PALM2AKAP2: variants seen among roughly 807,000 people sequenced by gnomAD.
PALM2AKAP2 encodes PALM2-AKAP2 fusion protein.
PALM2AKAP2 carries 37 observed loss-of-function variants against 71.5 expected under a neutral mutation model. The observed-to-expected ratio is 0.52, with a 90% CI of 0.40 to 0.68. The LOEUF is 0.68. Ranked by LOEUF, PALM2AKAP2 falls within the 30% of genes least tolerant of loss-of-function variation. PALM2AKAP2 has a pLI of 0.00. For synonymous variants in PALM2AKAP2, 468 were observed against 478.8 expected, an observed-to-expected ratio of 0.98 and a Z score of 0.29; for missense variants, 1,224 against 1,191.8, an observed-to-expected ratio of 1.03 and a Z score of -0.40.
At chr9:110,090,386 T>G (rs1289856614) in intron 1 of PALM2AKAP2, 1 of 456,624 alleles carries the variant, frequency 2.2e-6, no homozygotes, top group Non-Finnish European at 4.4e-6. Context: ...AGGTCATGAT[T>G]GCCACCTGGA....
chr9:110,109,797 T>C (rs942137741), intron 1 of PALM2AKAP2, among the ~76,000 whole-genome samples: 2 of 152,054 alleles, frequency 1.3e-5, no homozygotes, highest in African/African-American at 4.8e-5. Flanking sequence ...GGCCCCTTAA[T>C]TCCAGGTTTA....
At chr9:110,061,325 T>C (rs1253487332) in intron 1 of PALM2AKAP2, among the ~76,000 whole-genome samples, 2 of 152,212 alleles carry the variant, frequency 1.3e-5, no homozygotes, top group Admixed American at 6.5e-5. Flanking sequence ...ATGGGTACAA[T>C]TTAATAAAAC....
intron 1 of PALM2AKAP2, among the ~76,000 whole-genome samples, chr9:109,739,481 T>C (rs1439257845): frequency 6.6e-6 from 1 of 152,214 alleles, no homozygotes; most frequent in Non-Finnish European, 1.5e-5. Flanking sequence ...AGATCACTGA[T>C]TCAAAACATT....
chr9:109,806,865 A>G (rs976100056), intron 1 of PALM2AKAP2, among the ~76,000 whole-genome samples: 1 of 152,222 alleles, frequency 6.6e-6, no homozygotes, highest in African/African-American at 2.4e-5. Flanking sequence ...TTTACTTGAC[A>G]TGAGATCAGA....
At chr9:110,050,530 A>G (rs2132501009) in intron 1 of PALM2AKAP2, among the ~76,000 whole-genome samples, 1 of 152,314 alleles carries the variant, frequency 6.6e-6, no homozygotes, top group Non-Finnish European at 1.5e-5. Flanking sequence ...AAACATAAAG[A>G]CTTGGCCTAA....
intron 1 of PALM2AKAP2, among the ~76,000 whole-genome samples, chr9:109,757,063 C>T (rs1399015024): frequency 6.6e-6 from 1 of 152,008 alleles, no homozygotes; most frequent in Non-Finnish European, 1.5e-5. Context: ...ATAACGTGTT[C>T]TATCTATCTG....
chr9:109,921,105 C>T (rs563174921), intron 3 of PALM2AKAP2, among the ~76,000 whole-genome samples: 5 of 152,310 alleles, frequency 3.3e-5, no homozygotes, highest in East Asian at 3.8e-4. Flanking sequence ...ATTCTCTTTG[C>T]GTCTCGCCCA....
intron 6 of PALM2AKAP2, among the ~76,000 whole-genome samples, chr9:109,998,542 G>T (rs1448466499): frequency 6.8e-6 from 1 of 147,082 alleles, no homozygotes; most frequent in Non-Finnish European, 1.5e-5. Context: ...CATAAGCCAG[G>T]CTACATAGGT....
At chr9:110,166,572 C>T (rs973369487) in intron 3 of PALM2AKAP2, among the ~76,000 whole-genome samples, 2 of 152,134 alleles carry the variant, frequency 1.3e-5, no homozygotes, top group African/African-American at 4.8e-5. Flanking sequence ...ATTTGTTATT[C>T]GTAGATATCT....
chr9:109,757,568 T>C (rs369988053), intron 1 of PALM2AKAP2, among the ~76,000 whole-genome samples: 3 of 152,222 alleles, frequency 2.0e-5, no homozygotes, highest in African/African-American at 7.2e-5. Context: ...GTCTATCACA[T>C]AGCAAGTTAT....
At chr9:109,699,728 T>C (rs1482298292) in intron 1 of PALM2AKAP2, among the ~76,000 whole-genome samples, 1 of 152,148 alleles carries the variant, frequency 6.6e-6, no homozygotes, top group East Asian at 1.9e-4. Context: ...TTCCATTTTT[T>C]TTCCCCTGTA....
rs188996924 is a variant in PALM2AKAP2, at chr9:110,103,100, G to A, written c.157-33027G>A. On this transcript the variant is annotated intron_variant, in intron 1 of 3. Coordinates refer to ENST00000374525, the Ensembl canonical transcript of PALM2AKAP2. ...GCAGCTCAGCTTTCCCTTCCTCATG[G>A]AAACCTCCCCTGACCTCCCTGAGTA... is the stretch of plus-strand genomic sequence containing the variant. 2.7e-3 allele frequency among the ~76,000 whole-genome samples: 414 copies of A among 152,138 alleles called. 1 individual carries two copies. Among genetic ancestry groups the A allele is most frequent in the African/African-American group, 9.7e-3 (401 of 41,478 alleles).
At chr9:109,914,923 T>C (rs1830650459) in intron 3 of PALM2AKAP2, among the ~76,000 whole-genome samples, 1 of 152,214 alleles carries the variant, frequency 6.6e-6, no homozygotes, top group Non-Finnish European at 1.5e-5. Flanking sequence ...CTCTTTTAGT[T>C]GGTGCTGAGT....
intron 1 of PALM2AKAP2, among the ~76,000 whole-genome samples, chr9:109,827,969 A>G (rs868191880): frequency 1.2e-4 from 19 of 152,240 alleles, no homozygotes; most frequent in African/African-American, 4.6e-4. Flanking sequence ...CATAAAGGGC[A>G]AGAGAAGTAG....
chr9:109,691,905 C>CATATATAT (rs1156872328), intron 1 of PALM2AKAP2, among the ~76,000 whole-genome samples: 9 of 57,274 alleles, frequency 1.6e-4, no homozygotes, highest in African/African-American at 5.6e-4. Flanking sequence ...TATATATACA[C>CATATATAT]ACACACATAT....
chr9:109,750,742 A>G lies in PALM2AKAP2; in HGVS notation c.6-29746A>G, dbSNP rs186731671. Among the ~76,000 whole-genome samples the G allele has an allele frequency of 6.6e-5, 10 of 152,280 alleles. No homozygotes were observed. In the East Asian group the frequency reaches 1.9e-3, roughly 29 times the overall value. The stretch of plus-strand genomic sequence containing the variant: ...AAGGTCATGATAGCTACTTGGATCT[A>G]GCCAATTGTTACCATGAAGAAATTT... On this transcript the variant is annotated intron_variant, in intron 1 of 6. Transcript: ENST00000374531.
intron 1 of PALM2AKAP2, among the ~76,000 whole-genome samples, chr9:109,846,357 A>G (rs1366809603): frequency 6.6e-6 from 1 of 152,154 alleles, no homozygotes; most frequent in African/African-American, 2.4e-5. Flanking sequence ...ACATAATTCT[A>G]AAGGTCTCCC....
chr9:109,973,585 A>G (rs959138905), intron 6 of PALM2AKAP2, among the ~76,000 whole-genome samples: 8 of 152,240 alleles, frequency 5.3e-5, no homozygotes, highest in African/African-American at 1.9e-4. Context: ...TCCTCCTCCC[A>G]TAGAGCAGCA....
chr9:110,137,562 C>T lies in PALM2AKAP2; in HGVS notation c.1592C>T (p.Ala531Val). Residue 531 changes from alanine (A) to valine (V), a missense_variant, in exon 2 of 4, where the codon GCT becomes GTT. Transcript: ENST00000374525. ...GATGGAGAATTTACGAGCGCCCGGG[C>T]TGTCCTCACTGTGGTCAAGGATGAT... The T allele has an allele frequency of 4.3e-6, 7 of 1,614,224 alleles. No homozygotes were observed. The South Asian group carries it at 7.7e-5, about 18-fold the overall frequency.
Sources: allele counts gnomAD v4.1 joint callset (sites outside exome capture counted in the v4.1 genomes callset), GRCh38; gene constraint gnomAD v4.1.1; transcripts MANE v1.5; gene names NCBI Gene and HGNC (gene_info 2026-07-23, HGNC 2026-07-21).